Variants in NBPF26 observed in about 807,000 individuals in gnomAD.
The protein encoded by NBPF26 is NBPF member 26.
In NBPF26, 79 loss-of-function variants were observed where a neutral mutation model predicts 119.6. That is an observed-to-expected ratio of 0.66 (90% CI 0.55 to 0.80). The LOEUF (loss-of-function observed/expected upper bound fraction) is 0.80, where lower values mean the gene tolerates loss of function less well. NBPF26 is among the 30% of genes least tolerant of loss of function. The pLI, the probability that NBPF26 is intolerant of heterozygous loss-of-function variation, is 0.00. For missense variants in NBPF26, 800 were observed against 1,198.2 expected, an observed-to-expected ratio of 0.67 and a Z score of 4.91; for synonymous variants, 299 against 457.7, an observed-to-expected ratio of 0.65 and a Z score of 4.43.
chr1:120,805,062 CAA>C (rs1182560923), intron 4 of NBPF26, among the ~76,000 whole-genome samples: 1 of 121,496 alleles, frequency 8.2e-6, no homozygotes, highest in Non-Finnish European at 1.6e-5. Context: ...GTTGTACAGA[CAA>C]GAGATAAACA....
At position 120,768,060 on chromosome 1, in the gene NBPF26, C is replaced by T. The variant is rs1181407154; in HGVS notation, c.155+4351C>T. On this transcript the variant is annotated intron_variant, in intron 2 of 29. Coordinates refer to ENST00000620612, the Ensembl canonical transcript of NBPF26. ...GTGGGTGATAGATTTTAAAGTTTATCTCCCACTAAAGAATGTTGAATTTTG... is the reference window on the plus strand; with the variant it reads ...GTGGGTGATAGATTTTAAAGTTTATTTCCCACTAAAGAATGTTGAATTTTG... Among the ~76,000 whole-genome samples, 2 of 102,264 alleles carry T rather than the reference C, an allele frequency of 2.0e-5. 1 individual carries two copies. Among genetic ancestry groups the T allele is most frequent in the African/African-American group, 1.3e-4 (2 of 15,684 alleles). 67.1% of individuals were successfully genotyped at this position (102,264 alleles called of 152,430 possible).
chr1:120,759,733 T>C (rs1271339121), intron 1 of NBPF26, among the ~76,000 whole-genome samples: 1 of 114,100 alleles, frequency 8.8e-6, no homozygotes, highest in Non-Finnish European at 1.7e-5. Flanking sequence ...TATAGTTGTA[T>C]ACATTTATAG....
rs1210352983 is a variant in NBPF26 at position 120,767,712 on chromosome 1, G to A, written c.155+4003G>A. ...GTGTAAATATGTAATTAAATTTGAT[G>A]TCATTAATCACTTTCAAGTTGTTGT... is the stretch of plus-strand genomic sequence containing the variant. On this transcript the variant is annotated intron_variant, in intron 2 of 29. Transcript: ENST00000620612. Among the ~76,000 whole-genome samples the A allele has an allele frequency of 2.6e-5, 3 of 114,344 alleles. 1 individual carries two copies. The highest frequency in any genetic ancestry group is 1.7e-5 in the Non-Finnish European group (1 of 60,314). The allele number at this position is 114,344 out of a possible 152,430, so 75.0% of individuals were successfully genotyped here. A position where few individuals can be genotyped will look rare whatever the true frequency, so the allele number is the denominator to read the frequency against.
Position 120,816,928 on chromosome 1 carries a change from T to C in NBPF26, c.2371+101T>C, listed in dbSNP as rs1278385196. 32 of 1,142,070 alleles carry C rather than the reference T, an allele frequency of 2.8e-5. 8 individuals carry two copies. The highest frequency in any genetic ancestry group is 3.9e-5 in the Non-Finnish European group (32 of 823,806). The allele number at this position is 1,142,070 out of a possible 1,614,324, so 70.7% of individuals were successfully genotyped here. On this transcript the variant is annotated intron_variant, in intron 14 of 29. Coordinates refer to ENST00000620612, the Ensembl canonical transcript of NBPF26. ...ACACAAATTCATTTGAATAAAAAAC[T>C]GTGATGGGTTTCTAAACAGATATCA... is the stretch of plus-strand genomic sequence containing the variant.
In NBPF26 at chr1:120,811,050, C is replaced by G. The variant is rs1388866825; in HGVS notation, c.1564+492C>G. Among the ~76,000 whole-genome samples the G allele has an allele frequency of 1.0e-4, 10 of 98,502 alleles. 4 individuals are homozygous for G. Among genetic ancestry groups the G allele is most frequent in the African/African-American group, 6.7e-4 (10 of 14,862 alleles). 64.6% of individuals were successfully genotyped at this position (98,502 alleles called of 152,430 possible). On this transcript the variant is annotated intron_variant, in intron 9 of 29. Coordinates refer to ENST00000620612, the Ensembl canonical transcript of NBPF26. Reference sequence around the variant, plus strand: ...GGTCAGGAGATTGAGACCATCCTGGCTAACACGGTGAAACCCCGTCTTTAC... The same window carrying G: ...GGTCAGGAGATTGAGACCATCCTGGGTAACACGGTGAAACCCCGTCTTTAC...
intron 1 of NBPF26, among the ~76,000 whole-genome samples, chr1:120,758,994 C>G (rs1651105324): frequency 9.0e-6 from 1 of 111,356 alleles, no homozygotes; most frequent in South Asian, 2.6e-4. Flanking sequence ...TATTACTGTC[C>G]TAAATTATTT....
chr1:120,807,415 G>A lies in NBPF26; in HGVS notation c.962-192G>A, dbSNP rs1300652790. ...TGCGCCCTTGAGTTTCTCTTTCTTC[G>A]TCTTTAAATTTTGGAGGATCAGATG... On this transcript the variant is annotated intron_variant, in intron 5 of 29. Transcript: ENST00000620612. 1.8e-4 allele frequency among the ~76,000 whole-genome samples: 21 copies of A among 119,314 alleles called. 2 individuals carry two copies. Among genetic ancestry groups the A allele is most frequent in the African/African-American group, 4.2e-4 (10 of 23,856 alleles). 78.3% of individuals were successfully genotyped at this position (119,314 alleles called of 152,430 possible). A position where few individuals can be genotyped will look rare whatever the true frequency, so the allele number is the denominator to read the frequency against.
rs1341812339 is a variant in NBPF26 at position 120,800,490 on chromosome 1, A to G, written c.752-5066A>G. Among the ~76,000 whole-genome samples, 72 of 51,366 alleles carry G rather than the reference A, an allele frequency of 1.4e-3. 21 individuals carry two copies. In the Middle Eastern group the frequency reaches 0.041, roughly 29 times the overall value. The allele number at this position is 51,366 out of a possible 152,430, so 33.7% of individuals were successfully genotyped here. A position where few individuals can be genotyped will look rare whatever the true frequency, so the allele number is the denominator to read the frequency against. On this transcript the variant is annotated intron_variant, in intron 4 of 29. Coordinates refer to ENST00000620612, the Ensembl canonical transcript of NBPF26. ...AATTTTTTGGTAAACATTTATCTTCATATTTCTTGGATATATACCTAGGAG... is the reference window on the plus strand; with the variant it reads ...AATTTTTTGGTAAACATTTATCTTCGTATTTCTTGGATATATACCTAGGAG...
chr1:120,785,254 C>A (rs1465796965), intron 3 of NBPF26, 21 bp downstream of exon 3: 1 of 1,442,948 alleles, frequency 6.9e-7, no homozygotes, highest in Non-Finnish European at 9.3e-7. Flanking sequence ...AGACCAAAGC[C>A]AGTGCTTCCC....
At position 120,817,171 on chromosome 1, in the gene NBPF26, C is replaced by T. The variant is rs1247578266; in HGVS notation, c.2371+344C>T. On this transcript the variant is annotated intron_variant, in intron 14 of 29. Coordinates refer to ENST00000620612, the Ensembl canonical transcript of NBPF26. ...AACAATGTCCATGGAGTTTCTATGC[C>T]TGTTTAAGGAAGCTGGCAGCCTTGC... Among the ~76,000 whole-genome samples the T allele has an allele frequency of 3.4e-5, 4 of 116,812 alleles. 2 individuals are homozygous for T. In the East Asian group the frequency reaches 8.5e-4, roughly 25 times the overall value. 76.6% of individuals were successfully genotyped at this position (116,812 alleles called of 152,430 possible). A position where few individuals can be genotyped will look rare whatever the true frequency, so the allele number is the denominator to read the frequency against.
At chr1:120,815,376 A>G (rs1246688043) in intron 12 of NBPF26, among the ~76,000 whole-genome samples, 1 of 115,534 alleles carries the variant, frequency 8.7e-6, no homozygotes, top group Non-Finnish European at 1.6e-5. Flanking sequence ...GAAGGTTCCC[A>G]GGCTGTCTTT....
chr1:120,810,972 G>A lies in NBPF26; in HGVS notation c.1564+414G>A, dbSNP rs1338172494. ...TTAATAAGTCTCGGCTGGGCGCAGT[G>A]GGTCACACCTGTAATCCGAGCACTT... is the stretch of plus-strand genomic sequence containing the variant. On this transcript the variant is annotated intron_variant, in intron 9 of 29. Coordinates refer to ENST00000620612, the Ensembl canonical transcript of NBPF26. Among the ~76,000 whole-genome samples the A allele has an allele frequency of 1.9e-5, 2 of 105,634 alleles. 1 individual carries two copies. The highest frequency in any genetic ancestry group is 1.2e-4 in the African/African-American group (2 of 17,266). 69.3% of individuals were successfully genotyped at this position (105,634 alleles called of 152,430 possible).
Position 120,823,822 on chromosome 1 carries a change from A to G in NBPF26, c.2640-152A>G, listed in dbSNP as rs1408830124. The G allele has an allele frequency of 1.9e-5, 11 of 568,834 alleles. 4 individuals carry two copies. Among genetic ancestry groups the G allele is most frequent in the East Asian group, 5.7e-5 (2 of 35,052 alleles). The allele number at this position is 568,834 out of a possible 1,614,324, so 35.2% of individuals were successfully genotyped here. The stretch of plus-strand genomic sequence containing the variant: ...ATCTTTTTCTACCTGGCCCTGTTCT[A>G]TCCCAACATAAAGGCAATAATCTGT... On this transcript the variant is annotated intron_variant, in intron 17 of 29. Coordinates refer to ENST00000620612, the Ensembl canonical transcript of NBPF26.
rs1553273594 is a variant in NBPF26, at chr1:120,840,611, G to T, written c.*18G>T. On this transcript the variant is annotated 3_prime_UTR_variant, in exon 30 of 30. Coordinates refer to ENST00000620612, the Ensembl canonical transcript of NBPF26. Reference sequence around the variant, plus strand: ...CACAATAAGCAGCCCTTACTAAGCCGAGAGGTGTCATTCCTGCAGGCAGGA... The same window carrying T: ...CACAATAAGCAGCCCTTACTAAGCCTAGAGGTGTCATTCCTGCAGGCAGGA... The T allele has an allele frequency of 1.4e-6, 2 of 1,459,464 alleles. 1 individual carries two copies. The highest frequency in any genetic ancestry group is 3.7e-5 in the Admixed American group (2 of 54,156). 90.4% of individuals were successfully genotyped at this position (1,459,464 alleles called of 1,614,324 possible). A position where few individuals can be genotyped will look rare whatever the true frequency, so the allele number is the denominator to read the frequency against.
chr1:120,756,532 G>A lies in NBPF26; in HGVS notation c.74-7096G>A, dbSNP rs1328785320. Among the ~76,000 whole-genome samples the A allele has an allele frequency of 2.6e-5, 3 of 116,512 alleles. No homozygotes were observed. In the East Asian group the frequency reaches 6.3e-4, roughly 25 times the overall value. The allele number at this position is 116,512 out of a possible 152,430, so 76.4% of individuals were successfully genotyped here. A position where few individuals can be genotyped will look rare whatever the true frequency, so the allele number is the denominator to read the frequency against. ...ATGAAAAAAATCATGTGAGATAGACGACAGAGGCTTATTTGAAGAAGCTAC... is the reference window on the plus strand; with the variant it reads ...ATGAAAAAAATCATGTGAGATAGACAACAGAGGCTTATTTGAAGAAGCTAC... On this transcript the variant is annotated intron_variant, in intron 1 of 29. Coordinates refer to ENST00000620612, the Ensembl canonical transcript of NBPF26.
chr1:120,793,529 G>A lies in NBPF26; in HGVS notation c.751+33G>A. The A allele has an allele frequency of 5.3e-6, 6 of 1,125,078 alleles. 2 individuals carry two copies. The East Asian group carries it at 7.4e-5, about 14-fold the overall frequency. 69.7% of individuals were successfully genotyped at this position (1,125,078 alleles called of 1,614,324 possible). Reference sequence around the variant, plus strand: ...GCTCCCTAGTGTCCCAGGATTAGGGGACAAACCCCTAGCACAGGAGGTAGT... The same window carrying A: ...GCTCCCTAGTGTCCCAGGATTAGGGAACAAACCCCTAGCACAGGAGGTAGT... On this transcript the variant is annotated intron_variant, in intron 4 of 29. Coordinates refer to ENST00000620612, the Ensembl canonical transcript of NBPF26.
At chr1:120,814,523 G>C (rs1651959380) in intron 11 of NBPF26, among the ~76,000 whole-genome samples, 1 of 115,934 alleles carries the variant, frequency 8.6e-6, no homozygotes, top group Non-Finnish European at 1.7e-5. Flanking sequence ...AAATGTCCAT[G>C]GCCAGAGTGA....
Position 120,822,111 on chromosome 1 carries a change from C to A in NBPF26, c.2431C>A (p.Gln811Lys). Reference sequence around the variant, plus strand: ...TCCTGCCTGGCTCATCAGGAATCTGCAGGAGTCTGAAGAGGAGGAAGTCCC... The same window carrying A: ...TCCTGCCTGGCTCATCAGGAATCTGAAGGAGTCTGAAGAGGAGGAAGTCCC... Residue 811 changes from glutamine to lysine, a missense_variant, in exon 16 of 30, where the codon CAG (glutamine) becomes AAG (lysine). Gln to Lys is a moderately conservative substitution (Grantham distance 53). Transcript: ENST00000620612. The A allele has an allele frequency of 9.0e-6, 13 of 1,442,744 alleles. 3 individuals carry two copies. Among genetic ancestry groups the A allele is most frequent in the Non-Finnish European group, 1.2e-5 (13 of 1,080,066 alleles). 89.4% of individuals were successfully genotyped at this position (1,442,744 alleles called of 1,614,324 possible).
chr1:120,823,035 G>T lies in NBPF26; in HGVS notation c.2588-274G>T, dbSNP rs1435860144. On this transcript the variant is annotated intron_variant, in intron 16 of 29. Coordinates refer to ENST00000620612, the Ensembl canonical transcript of NBPF26. ...GAACTATTTGCCTACAATTTATTGG[G>T]GAAAAAATTGCTCATTTGTGTACAT... Among the ~76,000 whole-genome samples, 2 of 122,782 alleles carry T rather than the reference G, an allele frequency of 1.6e-5. 1 individual carries two copies. The highest frequency in any genetic ancestry group is 7.9e-5 in the African/African-American group (2 of 25,196). 80.5% of individuals were successfully genotyped at this position (122,782 alleles called of 152,430 possible).
Sources: allele counts gnomAD v4.1 joint callset (sites outside exome capture counted in the v4.1 genomes callset), GRCh38; gene constraint gnomAD v4.1.1; transcripts MANE v1.5; gene names NCBI Gene and HGNC (gene_info 2026-07-23, HGNC 2026-07-21).